The following RAB40B variants were observed in gnomAD, a reference collection of about 807,000 sequenced individuals.
RAB40B encodes the protein RAB40B, member RAS oncogene family.
A neutral mutation model predicts 24.0 loss-of-function variants in RAB40B; 21 were observed. The observed-to-expected ratio is 0.88, with a 90% CI of 0.62 to 1.26. The LOEUF is 1.26. Ranked by LOEUF, RAB40B falls within the 50% of genes most tolerant of loss-of-function variation. The probability of loss-of-function intolerance (pLI) is 0.00; values close to 1 mark genes in which losing one functional copy is unlikely to be tolerated. For missense variants in RAB40B, 348 were observed against 390.5 expected (o/e 0.89, Z 0.92); for synonymous variants, 167 against 169.8 (o/e 0.98, Z 0.13).
At chr17:82,674,534 G>A (rs2046376478) in intron 1 of RAB40B, among the ~76,000 whole-genome samples, 2 of 150,460 alleles carry the variant, frequency 1.3e-5, no homozygotes, top group African/African-American at 4.9e-5. Context: ...AGCTACTCGG[G>A]AGGCTGAGGC....
chr17:82,657,842 GT>G lies in RAB40B; in HGVS notation c.*20del, dbSNP rs772468950. The G allele has an allele frequency of 1.8e-5, 28 of 1,594,096 alleles. No individual in the cohort carries two copies. The highest frequency in any genetic ancestry group is 2.4e-5 in the Non-Finnish European group (28 of 1,173,252). On this transcript the variant is annotated 3_prime_UTR_variant, in exon 6 of 6. Transcript: ENST00000571995. ...GAGCTTCTCCTGGAGAGATTCCGCC[GT>G]GTTTCTTTCAGTGCCTTCCTTAAGA...
chr17:82,672,362 C>CT (rs1188899567), intron 1 of RAB40B, among the ~76,000 whole-genome samples: 1 of 150,706 alleles, frequency 6.6e-6, no homozygotes, highest in Non-Finnish European at 1.5e-5. Context: ...GCTCCCTGTA[C>CT]CCACTGACAC....
intron 2 of RAB40B, chr17:82,662,231 C>T: frequency 1.0e-6 from 1 of 985,464 alleles, no homozygotes; most frequent in South Asian, 4.7e-5. Context: ...GGAGTGAGTG[C>T]CTCATTTCCT....
Position 82,658,028 on chromosome 17 carries a change from G to A in RAB40B, c.672C>T (p.Ser224=). The A allele has an allele frequency of 6.2e-7, 1 of 1,614,252 alleles. No individual in the cohort carries two copies. The highest frequency in any genetic ancestry group is 1.3e-5 in the African/African-American group (1 of 75,074). The change falls in exon 6 of 6, where the codon TCC becomes TCT. Residue 224 remains serine, a synonymous_variant. Transcript: ENST00000571995. ...CATTCAGGCCGTTGGCCATCGAGAAGGACTTGAGGTGGCTTCTTAAGGCAA... is the reference window on the plus strand; with the variant it reads ...CATTCAGGCCGTTGGCCATCGAGAAAGACTTGAGGTGGCTTCTTAAGGCAA... ...LPIALRSHLK[S]FSMANGLNAR...
At chr17:82,693,544 C>A (rs189485446) in intron 1 of RAB40B, among the ~76,000 whole-genome samples, 1 of 152,156 alleles carries the variant, frequency 6.6e-6, no homozygotes, top group Non-Finnish European at 1.5e-5. Context: ...TGATACCCAG[C>A]GATTCACACG....
chr17:82,660,482 C>T (rs953584066), intron 3 of RAB40B, among the ~76,000 whole-genome samples: 8 of 148,232 alleles, frequency 5.4e-5, no homozygotes, highest in Non-Finnish European at 8.9e-5. Flanking sequence ...TACCTGCACA[C>T]GTGTACACAT....
Position 82,697,185 on chromosome 17 carries a change from A to C in RAB40B, c.142+1270T>G, listed in dbSNP as rs77138975. On this transcript the variant is annotated intron_variant, in intron 1 of 5. Transcript: ENST00000571995. This position sits in a 1 kb window ranked among gnomAD's most constrained non-coding sequence, Gnocchi z 4.9. ...CTGCCCATTCCTCACCCCGTCCCCT[A>C]AGCTGAGGTGTGGCCGGGCACCTGA... 9.3e-3 allele frequency among the ~76,000 whole-genome samples: 1,418 copies of C among 152,152 alleles called. 21 individuals carry two copies. Among genetic ancestry groups the C allele is most frequent in the African/African-American group, 0.033 (1,357 of 41,530 alleles).
chr17:82,678,698 G>C (rs550843469), intron 1 of RAB40B, among the ~76,000 whole-genome samples: 7 of 152,182 alleles, frequency 4.6e-5, no homozygotes, highest in African/African-American at 1.7e-4. Context: ...GCAGACTGGC[G>C]GTCCCCGGGG....
intron 1 of RAB40B, among the ~76,000 whole-genome samples, chr17:82,685,307 A>C (rs2451202): frequency 0.87 from 124,869 of 143,834 alleles, 55,604 homozygotes; most frequent in Non-Finnish European, 0.96. Context: ...GAGGAGAAAC[A>C]CCACAGAAAG....
In RAB40B at chr17:82,676,937, A is replaced by AATTTATTT. The variant is rs60578904; in HGVS notation, c.143-12389_143-12382dup. On this transcript the variant is annotated intron_variant, in intron 1 of 5. Transcript: ENST00000571995. ...TACCGCGCCCGGCCGGTAGCCTACT[A>AATTTATTT]ATTTATTTATTTATTTATTTATTTT... 9.9e-3 allele frequency among the ~76,000 whole-genome samples: 1,430 copies of AATTTATTT among 144,460 alleles called. 24 individuals are homozygous for AATTTATTT. The highest frequency in any genetic ancestry group is 0.031 in the African/African-American group (1,210 of 38,592). The allele number at this position is 144,460 out of a possible 152,430, so 94.8% of individuals were successfully genotyped here. A position where few individuals can be genotyped will look rare whatever the true frequency, so the allele number is the denominator to read the frequency against.
Position 82,657,823 on chromosome 17 carries a change from C to G in RAB40B, c.*40G>C. 1 of 1,610,972 alleles carries G rather than the reference C, an allele frequency of 6.2e-7. No individual in the cohort carries two copies. The highest frequency in any genetic ancestry group is 8.5e-7 in the Non-Finnish European group (1 of 1,178,328). ...AGCTGCCGGGGGTAACGCCGAGCTT[C>G]TCCTGGAGAGATTCCGCCGTGTTTC... On this transcript the variant is annotated 3_prime_UTR_variant, in exon 6 of 6. Transcript: ENST00000571995.
chr17:82,668,720 G>T (rs577100280), intron 1 of RAB40B, among the ~76,000 whole-genome samples: 1 of 152,368 alleles, frequency 6.6e-6, no homozygotes, highest in African/African-American at 2.4e-5. Flanking sequence ...CCTGCAGGGG[G>T]CAGGGGTGGC....
chr17:82,659,992 C>T (rs1438490807), intron 3 of RAB40B, among the ~76,000 whole-genome samples: 2 of 152,210 alleles, frequency 1.3e-5, no homozygotes, highest in African/African-American at 4.8e-5. Context: ...TACACGTGCA[C>T]ATACACATGG....
intron 1 of RAB40B, among the ~76,000 whole-genome samples, chr17:82,677,201 C>T (rs527366782): frequency 4.6e-5 from 7 of 152,150 alleles, no homozygotes; most frequent in Non-Finnish European, 8.8e-5. Flanking sequence ...CCTGCCTCGG[C>T]CTCCCAAAGT....
chr17:82,670,750 G>T (rs1268415458), intron 1 of RAB40B, among the ~76,000 whole-genome samples: 1 of 151,504 alleles, frequency 6.6e-6, no homozygotes. Context: ...GGCCAGGCTG[G>T]TCTCCAACTC....
chr17:82,686,332 G>T lies in RAB40B; in HGVS notation c.142+12123C>A, dbSNP rs548438135. The stretch of plus-strand genomic sequence containing the variant: ...TCCCCATGTTGGCCAGGCTGGTCTC[G>T]AACTCCTGACCTCAAGTGATCCACC... On this transcript the variant is annotated intron_variant, in intron 1 of 5. Transcript: ENST00000571995. Among the ~76,000 whole-genome samples, 36 of 151,424 alleles carry T rather than the reference G, an allele frequency of 2.4e-4. 1 individual carries two copies. Among genetic ancestry groups the T allele is most frequent in the Admixed American group, 2.4e-3 (36 of 15,182 alleles).
rs750486067 is a variant in RAB40B, at chr17:82,657,909, T to TGGGGGGGGG, written c.790_791insCCCCCCCCC (p.Pro263_Gln264insProProPro). The TGGGGGGGGG allele has an allele frequency of 2.9e-6, 1 of 344,050 alleles. No individual in the cohort carries two copies. 21.3% of individuals were successfully genotyped at this position (344,050 alleles called of 1,614,324 possible). On this transcript the variant is annotated inframe_insertion, in exon 6 of 6. Transcript: ENST00000571995. Reference sequence around the variant, plus strand: ...TCTGGTGCAGTTTTTGGGGGGGCTCTGGGGGGGGCGGACGAGCTTCACTTT... The same window carrying TGGGGGGGGG: ...TCTGGTGCAGTTTTTGGGGGGGCTCTGGGGGGGGGGGGGGGGGCGGACGAGCTTCACTTT...
intron 1 of RAB40B, among the ~76,000 whole-genome samples, chr17:82,665,416 A>G (rs891097029): frequency 3.3e-5 from 5 of 152,090 alleles, no homozygotes; most frequent in African/African-American, 7.2e-5. Flanking sequence ...CTAGGGCCAG[A>G]TAATTTTTGT....
intron 1 of RAB40B, among the ~76,000 whole-genome samples, chr17:82,671,421 AACAC>A (rs1181052620): frequency 1.5e-5 from 2 of 130,696 alleles, no homozygotes; most frequent in African/African-American, 2.9e-5. Context: ...CTGTAACTCT[AACAC>A]ACACACGCTC....
Sources: gnomAD v4.1 joint callset for allele counts (sites outside exome capture counted in the v4.1 genomes callset) on GRCh38, gnomAD v4.1.1 for gene constraint, Gnocchi (gnomAD v3.1) non-coding constraint, MANE v1.5 for transcripts, NCBI Gene and HGNC (gene_info 2026-07-23, HGNC 2026-07-21) for gene names.